Variants in MTMR9 observed in about 807,000 individuals in gnomAD.
MTMR9 encodes the protein myotubularin related protein 9.
A neutral mutation model predicts 69.5 loss-of-function variants in MTMR9; 39 were observed. The observed-to-expected ratio is 0.56, with a 90% CI of 0.43 to 0.73. The LOEUF is 0.73. MTMR9 is among the 30% of genes least tolerant of loss of function. MTMR9 has a pLI of 0.00. For missense variants in MTMR9, 900 were observed against 671.2 expected (o/e 1.34, Z -3.77); for synonymous variants, 354 against 240.8 (o/e 1.47, Z -4.35).
At chr8:11,305,598 C>G (rs1799909532) in intron 4 of MTMR9, among the ~76,000 whole-genome samples, 1 of 152,132 alleles carries the variant, frequency 6.6e-6, no homozygotes, top group Non-Finnish European at 1.5e-5. Context: ...GTTTCAAAAG[C>G]AAACATTTCC....
At chr8:11,301,757 AAAG>A (rs940178842) in intron 3 of MTMR9, among the ~76,000 whole-genome samples, 4 of 152,118 alleles carry the variant, frequency 2.6e-5, no homozygotes, top group African/African-American at 9.7e-5. Context: ...AGTTGACTAA[AAAG>A]AAGATAAAAG....
At chr8:11,297,652 G>C (rs1799607019) in intron 2 of MTMR9, among the ~76,000 whole-genome samples, 1 of 152,060 alleles carries the variant, frequency 6.6e-6, no homozygotes. Flanking sequence ...GCTGCCTGTG[G>C]TGAGGCACAG....
Position 11,309,617 on chromosome 8 carries a change from G to A in MTMR9, c.900G>A (p.Glu300=), listed in dbSNP as rs966298697. The A allele has an allele frequency of 1.2e-5, 20 of 1,613,822 alleles. No homozygotes were observed. The highest frequency in any genetic ancestry group is 2.7e-5 in the African/African-American group (2 of 74,906). The change falls in exon 6 of 10, where the codon GAG becomes GAA. Residue 300 remains glutamate (E), a synonymous_variant. Transcript: ENST00000221086. The part of the protein sequence containing the change: ...HNMDRWLSKL[E]ASNWLTHIKE... ...TGGACCGATGGCTCAGTAAATTGGA[G>A]GCCTCTAACTGGCTGACTCACATCA... is the stretch of plus-strand genomic sequence containing the variant.
chr8:11,284,858 C>T lies in MTMR9; in HGVS notation c.-31C>T. The T allele has an allele frequency of 6.4e-7, 1 of 1,555,838 alleles. No individual in the cohort carries two copies. Among genetic ancestry groups the T allele is most frequent in the Non-Finnish European group, 8.7e-7 (1 of 1,154,590 alleles). On this transcript the variant is annotated 5_prime_UTR_variant, in exon 1 of 10. Transcript: ENST00000221086. ...GGGTAACCGCCTCGCACCTACCGGGCTCGGTTCCCTGGCTCCGGCCGCGGG... is the reference window on the plus strand; with the variant it reads ...GGGTAACCGCCTCGCACCTACCGGGTTCGGTTCCCTGGCTCCGGCCGCGGG...
intron 6 of MTMR9, among the ~76,000 whole-genome samples, chr8:11,314,048 C>G (rs541281878): frequency 1.1e-4 from 17 of 152,270 alleles, no homozygotes; most frequent in African/African-American, 4.1e-4. Flanking sequence ...AGATGACTTA[C>G]AAACATGGAA....
chr8:11,337,982 T>C, the MTMR9 span, among the ~76,000 whole-genome samples: 1 of 152,218 alleles, frequency 6.6e-6, no homozygotes, highest in South Asian at 2.1e-4. Flanking sequence ...CCCCAAGGAA[T>C]TGTTCACAGC....
downstream of MTMR9, among the ~76,000 whole-genome samples, chr8:11,330,116 C>T (rs1357026183): frequency 6.6e-6 from 1 of 151,582 alleles, no homozygotes; most frequent in Non-Finnish European, 1.5e-5. Context: ...GGAGGTCAGC[C>T]CCCGCCCGGC....
intron 2 of MTMR9, among the ~76,000 whole-genome samples, chr8:11,297,703 G>A (rs1020516132): frequency 4.6e-5 from 7 of 152,178 alleles, no homozygotes; most frequent in Middle Eastern, 6.8e-3. Context: ...ACTTGCTGAC[G>A]CTGATCAGTT....
chr8:11,308,343 C>G (rs1486111100), intron 5 of MTMR9, among the ~76,000 whole-genome samples: 1 of 152,132 alleles, frequency 6.6e-6, no homozygotes, highest in Non-Finnish European at 1.5e-5. Context: ...ATCAATTTAC[C>G]ATAAATGCAT....
At chr8:11,288,128 C>T (rs1799247864) in intron 1 of MTMR9, among the ~76,000 whole-genome samples, 1 of 129,188 alleles carries the variant, frequency 7.7e-6, no homozygotes, top group South Asian at 2.3e-4. Context: ...AATTATTCAC[C>T]TAAATATTCA....
downstream of MTMR9, among the ~76,000 whole-genome samples, chr8:11,330,053 T>G (rs1274748459): frequency 6.7e-6 from 1 of 149,132 alleles, no homozygotes; most frequent in Admixed American, 6.7e-5. Flanking sequence ...CCGCCCCGTC[T>G]GGGAAGTGAG....
At chr8:11,332,020 T>G (rs62488716), downstream of MTMR9, 2 of 1,533,230 alleles carry the variant, frequency 1.3e-6, no homozygotes, top group Admixed American at 3.5e-5. Flanking sequence ...CATGAGACTG[T>G]GGCACTTTCT....
chr8:11,309,431 T>C, intron 5 of MTMR9, 96 bp from the exon 6 acceptor site: 1 of 1,029,402 alleles, frequency 9.7e-7, no homozygotes, highest in Non-Finnish European at 1.4e-6. Context: ...TGAACTACTT[T>C]TGCTCTTAGA....
At chr8:11,307,501 G>A (rs1218850007) in intron 5 of MTMR9, among the ~76,000 whole-genome samples, 2 of 152,168 alleles carry the variant, frequency 1.3e-5, no homozygotes, top group African/African-American at 4.8e-5. Flanking sequence ...TGCAGTGAAC[G>A]TGGGAATGCA....
chr8:11,298,235 A>C (rs1330691304), intron 2 of MTMR9, among the ~76,000 whole-genome samples: 1 of 152,166 alleles, frequency 6.6e-6, no homozygotes, highest in Non-Finnish European at 1.5e-5. Flanking sequence ...ATGAGTGCTT[A>C]TTGCCTGTGA....
chr8:11,334,856 G>T, the MTMR9 span, among the ~76,000 whole-genome samples: 2 of 152,186 alleles, frequency 1.3e-5, no homozygotes, highest in African/African-American at 4.8e-5. Context: ...GGTCATATCA[G>T]TAAATGCAGA....
chr8:11,333,112 T>C (rs1328018403), downstream of MTMR9, among the ~76,000 whole-genome samples: 2 of 152,102 alleles, frequency 1.3e-5, no homozygotes, highest in Non-Finnish European at 2.9e-5. Context: ...GCTGAAAACA[T>C]CCCAGATTTG....
At chr8:11,302,568 G>A (rs1042277259) in intron 3 of MTMR9, among the ~76,000 whole-genome samples, 1 of 152,110 alleles carries the variant, frequency 6.6e-6, no homozygotes, top group Admixed American at 6.5e-5. Flanking sequence ...CTTAGAGTTG[G>A]ATTTGAAGGA....
chr8:11,285,390 C>T (rs549681633), intron 1 of MTMR9: 283 of 241,768 alleles, frequency 1.2e-3, no homozygotes, highest in African/African-American at 6.0e-3. Context: ...CCATCGTATT[C>T]CTTGAATTGG....
Sources: allele counts gnomAD v4.1 joint callset (sites outside exome capture counted in the v4.1 genomes callset), GRCh38; gene constraint gnomAD v4.1.1; transcripts MANE v1.5; gene names NCBI Gene and HGNC (gene_info 2026-07-23, HGNC 2026-07-21).